Variants in NCOR2 observed in about 807,000 individuals in gnomAD.
NCOR2 encodes CTG repeat protein 26.
In NCOR2, 81 loss-of-function variants were observed where a neutral mutation model predicts 262.9. The observed-to-expected ratio is 0.31, with a 90% CI of 0.26 to 0.37. The LOEUF (loss-of-function observed/expected upper bound fraction) is 0.37. Ranked by LOEUF, NCOR2 falls within the 10% of genes least tolerant of loss-of-function variation. The pLI, the probability that NCOR2 is intolerant of heterozygous loss-of-function variation, is 1.00. For missense variants in NCOR2, 3,385 were observed against 3,621.4 expected, an observed-to-expected ratio of 0.93 and a Z score of 1.68; for synonymous variants, 1,659 against 1,559.3, an observed-to-expected ratio of 1.06 and a Z score of -1.51.
chr12:124,496,183 G>A (rs1017763883), upstream of NCOR2, among the ~76,000 whole-genome samples: 15 of 151,362 alleles, frequency 9.9e-5, no homozygotes, highest in African/African-American at 3.6e-4. The surrounding 1 kb of genome is among the most constrained non-coding windows in gnomAD (Gnocchi z 4.4). Flanking sequence ...AGGGAGCCAC[G>A]GGGACCCCTA....
At position 124,389,524 on chromosome 12, in the gene NCOR2, C is replaced by G. The variant is rs560132663; in HGVS notation, c.1877-3637G>C. Among the ~76,000 whole-genome samples, 1 of 152,148 alleles carries G rather than the reference C, an allele frequency of 6.6e-6. No homozygotes were observed. Among genetic ancestry groups the G allele is most frequent in the South Asian group, 2.1e-4 (1 of 4,830 alleles). On this transcript the variant is annotated intron_variant, in intron 16 of 46. Coordinates refer to ENST00000405201, the Ensembl canonical transcript of NCOR2. This position sits in a 1 kb window ranked among gnomAD's most constrained non-coding sequence, Gnocchi z 4.4. Reference sequence around the variant, plus strand: ...ACAGAGCTTCTCCACCCCCGGCAGACAGGGAGCAAACAGCTTCTTCCGCCA... The same window carrying G: ...ACAGAGCTTCTCCACCCCCGGCAGAGAGGGAGCAAACAGCTTCTTCCGCCA...
chr12:124,361,506 G>A (rs1333049380), intron 22 of NCOR2, among the ~76,000 whole-genome samples: 1 of 152,236 alleles, frequency 6.6e-6, no homozygotes, highest in South Asian at 2.1e-4. Flanking sequence ...TGAGCTTCAC[G>A]TGATGACAGT....
chr12:124,356,724 C>T (rs769537928), exon 23 of NCOR2: 2 of 1,499,126 alleles, frequency 1.3e-6, no homozygotes, highest in African/African-American at 2.9e-5. Flanking sequence ...CGGGGAAGGG[C>T]AGGCCGGAAG....
chr12:124,346,842 G>A (rs1455175196), exon 31 of NCOR2: 6 of 1,574,704 alleles, frequency 3.8e-6, no homozygotes, highest in East Asian at 2.3e-5. Flanking sequence ...ACGTAGGACC[G>A]AGGGATCCCT....
chr12:124,489,172 C>T (rs1020641051), intron 1 of NCOR2, among the ~76,000 whole-genome samples: 1 of 151,986 alleles, frequency 6.6e-6, no homozygotes, highest in Admixed American at 6.6e-5. Context: ...CAAGGGGTCC[C>T]ATGAGCTGGA....
In NCOR2 at chr12:124,468,794, ATCATCC is replaced by A. The variant is rs528707758; in HGVS notation, c.592-2514_592-2509del. On this transcript the variant is annotated intron_variant, in intron 4 of 46. Transcript: ENST00000405201. Reference sequence around the variant, plus strand: ...CACCCTCATCATCCTCATCACCCTCATCATCCTCATCCTCATCACCCCCATCATCCT... The same window carrying A: ...CACCCTCATCATCCTCATCACCCTCATCATCCTCATCACCCCCATCATCCT... 2.8e-3 allele frequency among the ~76,000 whole-genome samples: 88 copies of A among 31,188 alleles called. 2 individuals are homozygous for A. In the Middle Eastern group the frequency reaches 0.047, roughly 17 times the overall value. The allele number at this position is 31,188 out of a possible 152,430, so 20.5% of individuals were successfully genotyped here.
chr12:124,522,592 G>A (rs2050247523), intron 1 of NCOR2, among the ~76,000 whole-genome samples: 1 of 152,196 alleles, frequency 6.6e-6, no homozygotes, highest in Non-Finnish European at 1.5e-5. Context: ...TGACATCTGC[G>A]AAGACCTGTG....
intron 1 of NCOR2, among the ~76,000 whole-genome samples, chr12:124,544,371 C>T (rs552842064): frequency 1.3e-5 from 2 of 152,240 alleles, no homozygotes; most frequent in Non-Finnish European, 2.9e-5. Context: ...AGAAAAACCA[C>T]TGCAGACTCT....
At chr12:124,449,794 C>A (rs540502858) in intron 7 of NCOR2, 21 bp downstream of exon 9, 2 of 1,613,556 alleles carry the variant, frequency 1.2e-6, no homozygotes, top group Non-Finnish European at 1.7e-6. Context: ...TGTGTCTGCA[C>A]GGCTGCCCGC....
chr12:124,445,446 G>A (rs1314169601), intron 7 of NCOR2, among the ~76,000 whole-genome samples: 1 of 152,220 alleles, frequency 6.6e-6, no homozygotes, highest in Non-Finnish European at 1.5e-5. Context: ...CGACTCCAAC[G>A]CGTCCGAAAT....
chr12:124,355,376 C>T (rs1269298674), intron 24 of NCOR2, 56 bp downstream of exon 26: 3 of 1,588,272 alleles, frequency 1.9e-6, no homozygotes, highest in East Asian at 4.6e-5. Context: ...GTCCCATTGC[C>T]CCCACTTTAC....
chr12:124,337,085 G>T, exon 38 of NCOR2: 2 of 1,497,958 alleles, frequency 1.3e-6, no homozygotes, highest in Non-Finnish European at 1.8e-6. Flanking sequence ...CTCCATGAGG[G>T]TAGGGTAGAC....
intron 1 of NCOR2, among the ~76,000 whole-genome samples, chr12:124,553,006 C>T (rs1330384566): frequency 1.3e-5 from 2 of 152,216 alleles, no homozygotes; most frequent in Admixed American, 6.5e-5. Context: ...TATTACCTTA[C>T]AGTTTTGGAG....
chr12:124,552,714 G>A (rs1207031843), intron 1 of NCOR2, among the ~76,000 whole-genome samples: 1 of 152,014 alleles, frequency 6.6e-6, no homozygotes, highest in African/African-American at 2.4e-5. Flanking sequence ...TTTGAGACAG[G>A]GTCTCACTTG....
At chr12:124,540,034 A>T (rs1458002181), upstream of NCOR2, among the ~76,000 whole-genome samples, 2 of 152,134 alleles carry the variant, frequency 1.3e-5, no homozygotes, top group Non-Finnish European at 2.9e-5. Context: ...CAGAGGGGAC[A>T]GACCCCCTGT....
intron 7 of NCOR2, among the ~76,000 whole-genome samples, chr12:124,446,678 T>C (rs1408107602): frequency 1.3e-5 from 2 of 152,228 alleles, no homozygotes; most frequent in East Asian, 3.9e-4. Flanking sequence ...ATTACCCCAC[T>C]TACCAGAGTA....
chr12:124,537,209 C>CG (rs1464220056), upstream of NCOR2, among the ~76,000 whole-genome samples: 2 of 152,246 alleles, frequency 1.3e-5, no homozygotes, highest in Non-Finnish European at 2.9e-5. Context: ...TACAAGGTGA[C>CG]CCCTTTATAA....
rs140410776 is a variant in NCOR2, at chr12:124,503,671, A to AATGGATGGATGGATGGATGG, written c.-117-8323_-117-8304dup. 1.4e-4 allele frequency among the ~76,000 whole-genome samples: 17 copies of AATGGATGGATGGATGGATGG among 122,222 alleles called. No homozygotes were observed. The highest frequency in any genetic ancestry group is 4.8e-4 in the African/African-American group (16 of 33,518). The allele number at this position is 122,222 out of a possible 152,430, so 80.2% of individuals were successfully genotyped here. On this transcript the variant is annotated intron_variant, in intron 1 of 46. Transcript: ENST00000404621. The surrounding 1 kb of genome is among the most constrained non-coding windows in gnomAD (Gnocchi z 4.3). ...GGATGGATGGATGGATGGACGGGTG[A>AATGGATGGATGGATGGATGG]ATGGATGGATGGATGGATGGATGGA...
chr12:124,439,182 G>A (rs2044633621), intron 7 of NCOR2, among the ~76,000 whole-genome samples: 3 of 125,064 alleles, frequency 2.4e-5, no homozygotes, highest in Non-Finnish European at 3.4e-5. Context: ...GAGACCCAGA[G>A]AGAGAGAGAC....
Sources: gnomAD v4.1 joint callset for allele counts (sites outside exome capture counted in the v4.1 genomes callset) on GRCh38, gnomAD v4.1.1 for gene constraint, Gnocchi (gnomAD v3.1) non-coding constraint, MANE v1.5 for transcripts, NCBI Gene and HGNC (gene_info 2026-07-23, HGNC 2026-07-21) for gene names.